The following WWOX variants were observed in gnomAD, a reference collection of about 807,000 sequenced individuals.
The protein encoded by WWOX is WW domain containing oxidoreductase, also known as WW domain-containing oxidoreductase.
In WWOX, 69 loss-of-function variants were observed where a neutral mutation model predicts 46.2. That is an observed-to-expected ratio of 1.49 (90% CI 1.23 to 1.82). The LOEUF (loss-of-function observed/expected upper bound fraction) is 1.82, where lower values mean the gene tolerates loss of function less well. Among genes scored for constraint, WWOX ranks in the 40% most tolerant of loss-of-function variants. The probability of loss-of-function intolerance (pLI) is 0.00; values close to 1 mark genes in which losing one functional copy is unlikely to be tolerated. For missense variants in WWOX, 919 were observed against 542.6 expected (o/e 1.69, Z -6.89); for synonymous variants, 359 against 202.6 (o/e 1.77, Z -6.56).
At chr16:78,598,486 C>G (rs1049121235) in intron 8 of WWOX, among the ~76,000 whole-genome samples, 1 of 152,136 alleles carries the variant, frequency 6.6e-6, no homozygotes, top group Admixed American at 6.5e-5. Context: ...TGCTCTGATA[C>G]AATTCAGCAA....
chr16:79,022,418 C>T (rs1480193134), intron 8 of WWOX, among the ~76,000 whole-genome samples: 1 of 151,276 alleles, frequency 6.6e-6, no homozygotes, highest in Non-Finnish European at 1.5e-5. Context: ...TTGGACATGC[C>T]CCAGTCGCTA....
At chr16:78,667,318 T>C (rs2047354218) in intron 8 of WWOX, among the ~76,000 whole-genome samples, 1 of 152,230 alleles carries the variant, frequency 6.6e-6, no homozygotes, top group Non-Finnish European at 1.5e-5. Flanking sequence ...CTGACATTTT[T>C]ATTGAATGGG....
At chr16:78,533,473 T>G (rs1020629182) in intron 8 of WWOX, among the ~76,000 whole-genome samples, 4 of 151,908 alleles carry the variant, frequency 2.6e-5, no homozygotes, top group African/African-American at 9.7e-5. Context: ...GAATTTGTGT[T>G]GGGCCAGATT....
Position 78,350,999 on chromosome 16 carries a change from ATG to A in WWOX, c.517-35860_517-35859del, listed in dbSNP as rs1467743913. 1.6e-4 allele frequency among the ~76,000 whole-genome samples: 9 copies of A among 56,206 alleles called. 1 individual carries two copies. Among genetic ancestry groups the A allele is most frequent in the Non-Finnish European group, 5.1e-4 (9 of 17,532 alleles). The allele number at this position is 56,206 out of a possible 152,430, so 36.9% of individuals were successfully genotyped here. Reference sequence around the variant, plus strand: ...TTTTAGTCTTGTCATTTTATTGGGTATGAAGCGGTATTGCATTGTGATTTTGA... The same window carrying A: ...TTTTAGTCTTGTCATTTTATTGGGTAAAGCGGTATTGCATTGTGATTTTGA... On this transcript the variant is annotated intron_variant, in intron 5 of 8. Coordinates refer to ENST00000566780, the MANE Select transcript of WWOX (RefSeq NM_016373.4).
chr16:78,597,496 C>G (rs1465423342), intron 8 of WWOX, among the ~76,000 whole-genome samples: 1 of 152,172 alleles, frequency 6.6e-6, no homozygotes, highest in Non-Finnish European at 1.5e-5. Flanking sequence ...TGTGGCCGCC[C>G]ACCCCACAAT....
At chr16:79,002,686 G>A (rs749977817) in intron 8 of WWOX, among the ~76,000 whole-genome samples, 7 of 152,164 alleles carry the variant, frequency 4.6e-5, no homozygotes, top group Middle Eastern at 3.2e-3. Flanking sequence ...AGCAAACTGG[G>A]ACAGAGGGAC....
At chr16:78,375,884 C>T (rs935731184) in intron 5 of WWOX, among the ~76,000 whole-genome samples, 2 of 142,788 alleles carry the variant, frequency 1.4e-5, no homozygotes, top group Admixed American at 1.4e-4. Flanking sequence ...CGGAGTCTTG[C>T]TCTGTTGCCC....
chr16:78,859,703 C>G (rs147345966), intron 8 of WWOX, among the ~76,000 whole-genome samples: 1 of 152,038 alleles, frequency 6.6e-6, no homozygotes, highest in Non-Finnish European at 1.5e-5. Flanking sequence ...TTCTCCATAG[C>G]CTTCTGGGTT....
intron 8 of WWOX, among the ~76,000 whole-genome samples, chr16:78,578,591 A>C (rs2044966287): frequency 6.6e-6 from 1 of 151,912 alleles, no homozygotes. Flanking sequence ...GCTGGCGAAA[A>C]TTATATATTA....
intron 8 of WWOX, among the ~76,000 whole-genome samples, chr16:78,531,253 T>C (rs2043614354): frequency 6.6e-6 from 1 of 152,194 alleles, no homozygotes; most frequent in Non-Finnish European, 1.5e-5. Flanking sequence ...TGAGGGACAG[T>C]GAGAGCGAGG....
In WWOX at chr16:79,060,620, C is replaced by T. The variant is rs375428651; in HGVS notation, c.1057-150988C>T. On this transcript the variant is annotated intron_variant, in intron 8 of 8. Transcript: ENST00000566780. Reference sequence around the variant, plus strand: ...GACATATGTCTTATGTCTTCAAAAGCAACTGGACACTTGAAGAGTATTTTC... The same window carrying T: ...GACATATGTCTTATGTCTTCAAAAGTAACTGGACACTTGAAGAGTATTTTC... Among the ~76,000 whole-genome samples, 23 of 152,314 alleles carry T rather than the reference C, an allele frequency of 1.5e-4. No individual in the cohort carries two copies. In the East Asian group the frequency reaches 3.5e-3, roughly 23 times the overall value.
intron 8 of WWOX, among the ~76,000 whole-genome samples, chr16:79,178,228 T>C (rs948875070): frequency 3.3e-5 from 5 of 152,198 alleles, no homozygotes; most frequent in African/African-American, 1.2e-4. Flanking sequence ...CAAGTGACTA[T>C]TTGCTAATAG....
chr16:78,557,402 C>A (rs181010109), intron 8 of WWOX, among the ~76,000 whole-genome samples: 17 of 152,292 alleles, frequency 1.1e-4, no homozygotes, highest in Non-Finnish European at 2.9e-5. Flanking sequence ...TTGTCACATT[C>A]ATTCAGCAGA....
At chr16:79,162,460 G>C (rs1407913283) in intron 8 of WWOX, among the ~76,000 whole-genome samples, 1 of 152,162 alleles carries the variant, frequency 6.6e-6, no homozygotes, top group African/African-American at 2.4e-5. Flanking sequence ...CTGACTCTCA[G>C]CTGTCCTGAT....
intron 8 of WWOX, among the ~76,000 whole-genome samples, chr16:78,564,361 T>G (rs753316536): frequency 1.6e-4 from 24 of 152,200 alleles, no homozygotes; most frequent in Admixed American, 1.4e-3. Context: ...AGTTATTTGG[T>G]GAGTGAACCC....
At chr16:78,761,197 C>G (rs1241643302) in intron 8 of WWOX, among the ~76,000 whole-genome samples, 2 of 152,170 alleles carry the variant, frequency 1.3e-5, no homozygotes, top group East Asian at 3.9e-4. Context: ...CTTTTTCTTC[C>G]AAATATAGTT....
At chr16:78,675,859 T>C (rs2047585727) in intron 8 of WWOX, among the ~76,000 whole-genome samples, 1 of 152,108 alleles carries the variant, frequency 6.6e-6, no homozygotes, top group Non-Finnish European at 1.5e-5. Flanking sequence ...ATCATGACTT[T>C]TCTGATCATA....
chr16:79,059,535 G>C (rs2150545770), intron 8 of WWOX, among the ~76,000 whole-genome samples: 1 of 152,210 alleles, frequency 6.6e-6, no homozygotes, highest in East Asian at 1.9e-4. Flanking sequence ...CTGTTGCCCT[G>C]GCTGGAGTGC....
rs180936101 is a variant in WWOX, at chr16:78,465,544, A to G, written c.1056+32792A>G. On this transcript the variant is annotated intron_variant, in intron 8 of 8. Transcript: ENST00000566780. ...TGACCACAAGTTAAAATGTTGGGCA[A>G]TGTCCCTGAATGATACCTTTTCATT... Among the ~76,000 whole-genome samples, 6 of 152,324 alleles carry G rather than the reference A, an allele frequency of 3.9e-5. No individual in the cohort carries two copies. The East Asian group carries it at 7.7e-4, about 20-fold the overall frequency.
Sources: allele counts gnomAD v4.1 joint callset (sites outside exome capture counted in the v4.1 genomes callset), GRCh38; gene constraint gnomAD v4.1.1; transcripts MANE v1.5; gene names NCBI Gene and HGNC (gene_info 2026-07-23, HGNC 2026-07-21).